Variants in AMBRA1 observed in about 807,000 individuals in gnomAD.
AMBRA1 encodes the protein autophagy and beclin 1 regulator 1.
Under a neutral mutation model 125.4 loss-of-function variants are expected in AMBRA1, and 47 were observed. The observed-to-expected ratio is 0.37, with a 90% CI of 0.30 to 0.48. The LOEUF (loss-of-function observed/expected upper bound fraction) is 0.48. Ranked by LOEUF, AMBRA1 falls within the 20% of genes least tolerant of loss-of-function variation. AMBRA1 has a pLI of 0.99. For missense variants in AMBRA1, 1,331 were observed against 1,693.4 expected (o/e 0.79, Z 3.76); for synonymous variants, 626 against 655.5 (o/e 0.95, Z 0.69).
At chr11:46,414,086 C>T (rs966384467) in intron 15 of AMBRA1, among the ~76,000 whole-genome samples, 1 of 152,220 alleles carries the variant, frequency 6.6e-6, no homozygotes, top group Non-Finnish European at 1.5e-5. Flanking sequence ...CTTCCAAGGG[C>T]TCCCTGAACA....
chr11:46,419,597 T>C (rs757520512), intron 14 of AMBRA1, among the ~76,000 whole-genome samples: 35 of 152,192 alleles, frequency 2.3e-4, no homozygotes, highest in Non-Finnish European at 4.6e-4. Context: ...TGAAACTCTA[T>C]AAACTGGAGT....
At chr11:46,511,798 C>A (rs1951268657) in intron 8 of AMBRA1, among the ~76,000 whole-genome samples, 2 of 152,206 alleles carry the variant, frequency 1.3e-5, no homozygotes, top group Non-Finnish European at 2.9e-5. Flanking sequence ...GAAGGGCAGG[C>A]CTTGAACTCA....
At chr11:46,406,826 T>C (rs1946044216) in intron 17 of AMBRA1, among the ~76,000 whole-genome samples, 1 of 150,174 alleles carries the variant, frequency 6.7e-6, no homozygotes, top group Admixed American at 6.7e-5. Flanking sequence ...GAGGTTGCAG[T>C]AAGCTGAGAT....
intron 11 of AMBRA1, among the ~76,000 whole-genome samples, chr11:46,458,107 T>A (rs1002691945): frequency 6.6e-6 from 1 of 151,986 alleles, no homozygotes; most frequent in Non-Finnish European, 1.5e-5. Flanking sequence ...ACTTGAGAAG[T>A]CCCCAGAACC....
chr11:46,582,611 C>G (rs536678416), intron 1 of AMBRA1, among the ~76,000 whole-genome samples: 78 of 152,228 alleles, frequency 5.1e-4, no homozygotes, highest in African/African-American at 1.9e-3. Flanking sequence ...AATGTGGAGC[C>G]AGGTTGTTTG....
intron 11 of AMBRA1, among the ~76,000 whole-genome samples, chr11:46,478,474 C>T (rs1317262951): frequency 2.0e-5 from 3 of 152,084 alleles, no homozygotes; most frequent in Admixed American, 6.5e-5. Flanking sequence ...CACAGAAATA[C>T]AGGGCTATAT....
chr11:46,533,897 T>C (rs1213703582), intron 7 of AMBRA1, among the ~76,000 whole-genome samples: 1 of 151,958 alleles, frequency 6.6e-6, no homozygotes, highest in African/African-American at 2.4e-5. Flanking sequence ...GTGCTCCAGC[T>C]GCACTGGCTG....
intron 16 of AMBRA1, 110 bp from the exon 17 acceptor site, chr11:46,408,816 G>T: frequency 1.9e-6 from 2 of 1,065,866 alleles, no homozygotes; most frequent in Non-Finnish European, 2.5e-6. Flanking sequence ...AGGCCCTGCA[G>T]GCTAAGAGAA....
At chr11:46,466,870 T>A (rs955471018) in intron 11 of AMBRA1, among the ~76,000 whole-genome samples, 1 of 152,062 alleles carries the variant, frequency 6.6e-6, no homozygotes, top group African/African-American at 2.4e-5. Flanking sequence ...TTCTGATAAT[T>A]AACCATCATA....
intron 8 of AMBRA1, among the ~76,000 whole-genome samples, chr11:46,510,128 C>T (rs1254383837): frequency 6.6e-6 from 1 of 152,114 alleles, no homozygotes; most frequent in African/African-American, 2.4e-5. Flanking sequence ...GTCTGTTTTA[C>T]AGAATAATAC....
At chr11:46,427,567 GC>G (rs2136685156) in intron 14 of AMBRA1, among the ~76,000 whole-genome samples, 2 of 152,268 alleles carry the variant, frequency 1.3e-5, no homozygotes, top group South Asian at 4.1e-4. Context: ...GCTGGGCCTC[GC>G]CCCCAGAGTT....
At chr11:46,512,901 A>T in intron 7 of AMBRA1, 88 bp from the exon 8 acceptor site, 2 of 1,226,524 alleles carry the variant, frequency 1.6e-6, no homozygotes, top group Non-Finnish European at 2.3e-6. Context: ...GAGATATATA[A>T]CTTTCCCCTT....
chr11:46,434,839 T>C lies in AMBRA1; in HGVS notation c.2821+10A>G. 1 of 1,583,784 alleles carries C rather than the reference T, an allele frequency of 6.3e-7. No individual in the cohort carries two copies. The highest frequency in any genetic ancestry group is 8.6e-7 in the Non-Finnish European group (1 of 1,165,476). On this transcript the variant is annotated intron_variant, in intron 13 of 17. Transcript: ENST00000683756. ...CCCTCTGTCATTAGGTTGGGCTTCC[T>C]ATCCCTTACCAAATCGCTTGGTGTA...
chr11:46,526,541 T>A (rs1951982956), intron 7 of AMBRA1, among the ~76,000 whole-genome samples: 4 of 135,554 alleles, frequency 3.0e-5, no homozygotes, highest in African/African-American at 5.5e-5. Context: ...AAAAAAAAAT[T>A]AAAATTAAAA....
At chr11:46,416,049 G>A (rs982403265) in intron 15 of AMBRA1, among the ~76,000 whole-genome samples, 3 of 152,218 alleles carry the variant, frequency 2.0e-5, no homozygotes, top group Non-Finnish European at 2.9e-5. Context: ...TGGGACAAAA[G>A]TTAGTGGTGG....
At chr11:46,435,566 A>G (rs1243275372) in intron 12 of AMBRA1, among the ~76,000 whole-genome samples, 1 of 152,252 alleles carries the variant, frequency 6.6e-6, no homozygotes, top group Non-Finnish European at 1.5e-5. Flanking sequence ...TGGAACATCT[A>G]GAGACCAGTT....
chr11:46,546,441 AT>A (rs572920267), intron 4 of AMBRA1, among the ~76,000 whole-genome samples: 167 of 152,286 alleles, frequency 1.1e-3, no homozygotes, highest in Middle Eastern at 0.01. Flanking sequence ...TCTTGCTTTG[AT>A]GATCATGATC....
chr11:46,446,252 T>C (rs1456464745), intron 11 of AMBRA1, among the ~76,000 whole-genome samples: 3 of 152,032 alleles, frequency 2.0e-5, no homozygotes, highest in Non-Finnish European at 2.9e-5. Context: ...CAGATTAGAG[T>C]ACTGTTACCA....
At chr11:46,452,332 G>A (rs527461497) in intron 11 of AMBRA1, among the ~76,000 whole-genome samples, 1 of 152,116 alleles carries the variant, frequency 6.6e-6, no homozygotes, top group African/African-American at 2.4e-5. Context: ...TTATTTTAAG[G>A]TTTTTTGTTG....
Sources: gnomAD v4.1 joint callset for allele counts (sites outside exome capture counted in the v4.1 genomes callset) on GRCh38, gnomAD v4.1.1 for gene constraint, MANE v1.5 for transcripts, NCBI Gene and HGNC (gene_info 2026-07-23, HGNC 2026-07-21) for gene names.